The following GNAQ variants were observed in gnomAD, a reference collection of about 807,000 sequenced individuals.
GNAQ encodes the protein G protein subunit alpha q.
In GNAQ, 8 loss-of-function variants were observed where a neutral mutation model predicts 43.9. The observed-to-expected ratio is 0.18, with a 90% CI of 0.11 to 0.33. GNAQ has a LOEUF of 0.33. GNAQ is among the 10% of genes least tolerant of loss of function. GNAQ has a pLI of 1.00. For missense variants in GNAQ, 158 were observed against 450.8 expected (o/e 0.35, Z 5.88); for synonymous variants, 155 against 170.7 (o/e 0.91, Z 0.71).
intron 1 of GNAQ, among the ~76,000 whole-genome samples, chr9:77,950,910 G>A (rs1263343186): frequency 6.6e-6 from 1 of 151,878 alleles, no homozygotes; most frequent in Non-Finnish European, 1.5e-5. Context: ...ATACTATATT[G>A]TCATTGAAAA....
intron 1 of GNAQ, among the ~76,000 whole-genome samples, chr9:77,976,142 CT>C (rs546898769): frequency 6.2e-4 from 94 of 152,306 alleles, no homozygotes; most frequent in South Asian, 3.5e-3. Context: ...GTTGTTTTAA[CT>C]TTTTGTCTTC....
intron 5 of GNAQ, among the ~76,000 whole-genome samples, chr9:77,758,590 C>G (rs962657830): frequency 6.6e-6 from 1 of 152,092 alleles, no homozygotes; most frequent in African/African-American, 2.4e-5. Flanking sequence ...ATCCATGTTT[C>G]CTATTTTCTC....
intron 2 of GNAQ, among the ~76,000 whole-genome samples, chr9:77,889,415 A>C (rs1304075291): frequency 2.9e-5 from 1 of 34,168 alleles, no homozygotes. Context: ...TGTCTCAAAA[A>C]AAAAAAAAAA....
At chr9:77,787,907 G>C (rs1003594272) in intron 5 of GNAQ, among the ~76,000 whole-genome samples, 1 of 152,158 alleles carries the variant, frequency 6.6e-6, no homozygotes, top group African/African-American at 2.4e-5. Flanking sequence ...GCGCGTGCCT[G>C]TAATCCCAGC....
intron 5 of GNAQ, among the ~76,000 whole-genome samples, chr9:77,778,448 C>G (rs1826339361): frequency 6.6e-6 from 1 of 151,882 alleles, no homozygotes; most frequent in Non-Finnish European, 1.5e-5. Context: ...TATGCTAAGA[C>G]AGCAGAGAAA....
chr9:77,884,478 C>G (rs909850697), intron 2 of GNAQ, among the ~76,000 whole-genome samples: 1 of 152,148 alleles, frequency 6.6e-6, no homozygotes, highest in Middle Eastern at 3.2e-3. Context: ...AAACAATGAA[C>G]GAAGCAAGCT....
At chr9:77,772,962 A>C (rs1564106594) in intron 5 of GNAQ, among the ~76,000 whole-genome samples, 3 of 152,246 alleles carry the variant, frequency 2.0e-5, no homozygotes, top group African/African-American at 4.8e-5. Context: ...ATGTTTTAAG[A>C]AAGTTTACAA....
At chr9:77,853,806 AG>A (rs1827710778) in intron 2 of GNAQ, among the ~76,000 whole-genome samples, 1 of 145,456 alleles carries the variant, frequency 6.9e-6, no homozygotes, top group South Asian at 2.2e-4. Flanking sequence ...AAAAACCCAC[AG>A]GCACTATTTC....
chr9:77,839,624 C>T (rs182153882), intron 2 of GNAQ, among the ~76,000 whole-genome samples: 3 of 152,324 alleles, frequency 2.0e-5, no homozygotes, highest in African/African-American at 7.2e-5. Flanking sequence ...GGGCTGCCTG[C>T]CCTGAAGCAT....
chr9:77,848,590 G>C (rs775328640), intron 2 of GNAQ, among the ~76,000 whole-genome samples: 1 of 152,218 alleles, frequency 6.6e-6, no homozygotes, highest in Non-Finnish European at 1.5e-5. Context: ...GGCTTGGCCA[G>C]GGCAATGCCA....
At chr9:77,751,603 G>A (rs149042543) in intron 5 of GNAQ, among the ~76,000 whole-genome samples, 33 of 152,256 alleles carry the variant, frequency 2.2e-4, no homozygotes, top group African/African-American at 7.0e-4. Flanking sequence ...GGACAGAGAC[G>A]TGGAAAGAGC....
chr9:78,002,007 A>T (rs750467545), intron 1 of GNAQ, among the ~76,000 whole-genome samples: 4 of 152,204 alleles, frequency 2.6e-5, no homozygotes, highest in Non-Finnish European at 5.9e-5. Flanking sequence ...ATAAAGTAAA[A>T]AGGTTGTAAA....
At position 77,717,129 on chromosome 9, in the gene GNAQ, T is replaced by C; in HGVS notation, c.*4194A>G. On this transcript the variant is annotated 3_prime_UTR_variant, in exon 7 of 7. Transcript: ENST00000286548. ...GTTACCAGGACAGATCTATTAACGC[T>C]ACATATGCTGGAAATATGTAGAGAT... The C allele has an allele frequency of 4.3e-6, 1 of 232,494 alleles. No homozygotes were observed. The highest frequency in any genetic ancestry group is 5.6e-5 in the Admixed American group (1 of 17,794). 14.4% of individuals were successfully genotyped at this position (232,494 alleles called of 1,614,324 possible).
chr9:77,732,956 G>T (rs926485727), intron 5 of GNAQ, among the ~76,000 whole-genome samples: 1 of 152,188 alleles, frequency 6.6e-6, no homozygotes. Flanking sequence ...AGGACAGGCT[G>T]TAAGCTAGTG....
intron 1 of GNAQ, among the ~76,000 whole-genome samples, chr9:77,952,113 G>C (rs544214401): frequency 2.0e-5 from 3 of 152,346 alleles, no homozygotes; most frequent in South Asian, 4.1e-4. Context: ...GCCTGAAATT[G>C]AGGTTTGGGT....
rs562722869 is a variant in GNAQ at position 77,961,694 on chromosome 9, C to T, written c.137-39349G>A. On this transcript the variant is annotated intron_variant, in intron 1 of 6. Transcript: ENST00000286548. ...AGCCTAAAAGCAAGACTACAAATTA[C>T]TGAAGTGATCCCAAGTAAATCAGCT... Among the ~76,000 whole-genome samples the T allele has an allele frequency of 3.3e-5, 5 of 152,312 alleles. No individual in the cohort carries two copies. In the East Asian group the frequency reaches 9.6e-4, roughly 29 times the overall value.
At chr9:78,015,778 A>T (rs1055794350) in intron 1 of GNAQ, among the ~76,000 whole-genome samples, 9 of 152,198 alleles carry the variant, frequency 5.9e-5, no homozygotes, top group African/African-American at 2.2e-4. Context: ...AAACAAAAAT[A>T]AAAATTGTAA....
chr9:77,809,474 G>A (rs1826880022), intron 3 of GNAQ, among the ~76,000 whole-genome samples: 1 of 152,052 alleles, frequency 6.6e-6, no homozygotes, highest in Admixed American at 6.6e-5. Context: ...GTGAAATCTA[G>A]GGGAAAAAAA....
intron 1 of GNAQ, among the ~76,000 whole-genome samples, chr9:77,953,523 C>T (rs544384107): frequency 1.3e-5 from 2 of 152,118 alleles, no homozygotes; most frequent in Non-Finnish European, 2.9e-5. Flanking sequence ...GAAGGCAAGC[C>T]TTGCAGTATA....
Sources: gnomAD v4.1 joint callset for allele counts (sites outside exome capture counted in the v4.1 genomes callset) on GRCh38, gnomAD v4.1.1 for gene constraint, MANE v1.5 for transcripts, NCBI Gene and HGNC (gene_info 2026-07-23, HGNC 2026-07-21) for gene names.